UGT1A7: variants seen among roughly 807,000 people sequenced by gnomAD.
The protein encoded by UGT1A7 is UDP glucuronosyltransferase family 1 member A7, also known as UDP-glucuronosyltransferase 1A7.
Under a neutral mutation model 45.6 loss-of-function variants are expected in UGT1A7, and 33 were observed. The ratio of observed to expected loss-of-function variants is 0.72; its 90% CI spans 0.55 to 0.97. UGT1A7 has a LOEUF of 0.97. Among genes scored for constraint, UGT1A7 ranks in the 50% least tolerant of loss-of-function variants. The pLI is 0.00. For missense variants in UGT1A7, 684 were observed against 666.2 expected, an observed-to-expected ratio of 1.03 and a Z score of -0.29; for synonymous variants, 274 against 250.6, an observed-to-expected ratio of 1.09 and a Z score of -0.88.
At chr2:233,755,255 G>A (rs1695832666) in intron 1 of UGT1A7, 14 of 819,316 alleles carry the variant, frequency 1.7e-5, no homozygotes, top group South Asian at 1.2e-4. Flanking sequence ...CCAGCACCTC[G>A]TAGTAGTCCA....
chr2:233,772,314 G>T lies in UGT1A7; in HGVS notation c.1348G>T (p.Glu450Ter). The T allele has an allele frequency of 6.2e-7, 1 of 1,614,222 alleles. No individual in the cohort carries two copies. The highest frequency in any genetic ancestry group is 8.5e-7 in the Non-Finnish European group (1 of 1,180,048). ...LSSLHKDRPV[E>*]PLDLAVFWVE... is the part of the protein sequence containing the mutation. Reference sequence around the variant, plus strand: ...CAGCCTTCACAAGGACCGCCCGGTGGAGCCGCTGGACCTGGCCGTGTTCTG... The same window carrying T: ...CAGCCTTCACAAGGACCGCCCGGTGTAGCCGCTGGACCTGGCCGTGTTCTG... Residue 450 changes from glutamate (E) to a stop codon, truncating the protein, a stop_gained, in exon 5 of 5, where the codon GAG (glutamate) becomes TAG (stop). Transcript: ENST00000373426. LOFTEE classifies it high-confidence loss of function.
At chr2:233,682,865 A>C in intron 1 of UGT1A7, 73 bp downstream of exon 1, 1 of 1,527,428 alleles carries the variant, frequency 6.5e-7, no homozygotes, top group Non-Finnish European at 8.8e-7. Flanking sequence ...ACAGAATCAT[A>C]ATTTATCATT....
chr2:233,686,427 A>C (rs978923716), intron 1 of UGT1A7, among the ~76,000 whole-genome samples: 2 of 152,154 alleles, frequency 1.3e-5, no homozygotes, highest in African/African-American at 4.8e-5. Flanking sequence ...AAACACACGC[A>C]TGCTTGACAT....
chr2:233,718,933 G>C, intron 1 of UGT1A7: 1 of 1,614,132 alleles, frequency 6.2e-7, no homozygotes, highest in Non-Finnish European at 8.5e-7. Context: ...CCCACTGATG[G>C]CAGCCCCTGG....
At position 233,701,657 on chromosome 2, in the gene UGT1A7, G is replaced by A. The variant is rs1037742895; in HGVS notation, c.855+18865G>A. On this transcript the variant is annotated intron_variant, in intron 1 of 4. Coordinates refer to ENST00000373426, the MANE Select transcript of UGT1A7 (RefSeq NM_019077.3). ...ATAGCAAACTGTCTCTCAGACCACA[G>A]TGCAATCAAACTAGAACTCAGAATT... Among the ~76,000 whole-genome samples, 7 of 152,304 alleles carry A rather than the reference G, an allele frequency of 4.6e-5. No individual in the cohort carries two copies. The East Asian group carries it at 9.6e-4, about 21-fold the overall frequency.
chr2:233,760,984 C>T lies in UGT1A7; in HGVS notation c.856-6050C>T. 6.2e-7 allele frequency: 1 copy of T among 1,614,234 alleles called. No individual in the cohort carries two copies. The highest frequency in any genetic ancestry group is 8.5e-7 in the Non-Finnish European group (1 of 1,180,042). ...CGTGGTTTATTCCCCGTATGCAACC[C>T]TTGCCTCAGAATTCCTTCAGAGAGA... is the stretch of plus-strand genomic sequence containing the variant. On this transcript the variant is annotated intron_variant, in intron 1 of 4. Coordinates refer to ENST00000373426, the MANE Select transcript of UGT1A7 (RefSeq NM_019077.3).
chr2:233,718,656 C>T, intron 1 of UGT1A7: 1 of 1,519,542 alleles, frequency 6.6e-7, no homozygotes, highest in Non-Finnish European at 8.8e-7. Flanking sequence ...TAACGAAAGG[C>T]AGTTATAGAT....
chr2:233,728,584 C>T (rs553325629), intron 1 of UGT1A7, among the ~76,000 whole-genome samples: 5 of 152,182 alleles, frequency 3.3e-5, no homozygotes, highest in Non-Finnish European at 7.3e-5. Flanking sequence ...GAAAAACGAC[C>T]AAAACCACAT....
intron 1 of UGT1A7, 44 bp from the exon 2 acceptor site, chr2:233,766,990 G>T: frequency 1.2e-6 from 2 of 1,613,182 alleles, no homozygotes; most frequent in Non-Finnish European, 8.5e-7. Context: ...AGTCATCAAA[G>T]AATATGAGAA....
chr2:233,743,846 C>T lies in UGT1A7; in HGVS notation c.856-23188C>T, dbSNP rs779214397. On this transcript the variant is annotated intron_variant, in intron 1 of 4. Transcript: ENST00000373426. ...GGGGTGCCACTTGAGCGCCAGCTTG[C>T]GGTACGCCTTCTTGATGGCCTCGGA... 13 of 1,367,112 alleles carry T rather than the reference C, an allele frequency of 9.5e-6. No individual in the cohort carries two copies. The Admixed American group carries it at 1.1e-4, about 12-fold the overall frequency. The allele number at this position is 1,367,112 out of a possible 1,614,324, so 84.7% of individuals were successfully genotyped here.
chr2:233,693,288 G>C (rs763435448), intron 1 of UGT1A7: 20 of 1,614,002 alleles, frequency 1.2e-5, no homozygotes, highest in African/African-American at 2.7e-5. Flanking sequence ...CAATCATTTG[G>C]AAACAATCAC....
intron 1 of UGT1A7, chr2:233,713,618 A>G (rs768642808): frequency 1.2e-6 from 2 of 1,613,968 alleles, no homozygotes; most frequent in Admixed American, 1.7e-5. Flanking sequence ...CATTCCTGCA[A>G]AGGGTCAAGA....
At chr2:233,682,816 A>G (rs28969714) in intron 1 of UGT1A7, 24 bp downstream of exon 1, 1 of 1,580,878 alleles carries the variant, frequency 6.3e-7, no homozygotes, top group Non-Finnish European at 8.6e-7. Context: ...CCTTTAGCAC[A>G]TTAAGAATAA....
At chr2:233,710,185 T>A (rs2076116992) in intron 1 of UGT1A7, among the ~76,000 whole-genome samples, 1 of 152,234 alleles carries the variant, frequency 6.6e-6, no homozygotes, top group Admixed American at 6.5e-5. Flanking sequence ...GATGGACATG[T>A]GGATAGTTTC....
chr2:233,732,226 C>A (rs1208846132), intron 1 of UGT1A7, among the ~76,000 whole-genome samples: 1 of 152,142 alleles, frequency 6.6e-6, no homozygotes, highest in Non-Finnish European at 1.5e-5. Context: ...AAAATTTTCT[C>A]CCATTCTGTA....
chr2:233,756,969 C>G (rs1044581590), intron 1 of UGT1A7, among the ~76,000 whole-genome samples: 1 of 151,840 alleles, frequency 6.6e-6, no homozygotes, highest in East Asian at 1.9e-4. Flanking sequence ...TTGGTAAGCA[C>G]GCAATGAACA....
intron 1 of UGT1A7, among the ~76,000 whole-genome samples, chr2:233,696,870 C>T (rs899291677): frequency 5.3e-5 from 8 of 152,160 alleles, no homozygotes; most frequent in Non-Finnish European, 8.8e-5. Context: ...TTTTCAGCAT[C>T]TACAACATAT....
intron 1 of UGT1A7, chr2:233,712,898 A>G: frequency 6.2e-7 from 1 of 1,608,042 alleles, no homozygotes; most frequent in East Asian, 2.2e-5. Context: ...TTGATTTGCT[A>G]GGTGTCTCAG....
intron 1 of UGT1A7, chr2:233,747,663 A>G (rs1693743118): frequency 1.9e-6 from 3 of 1,600,614 alleles, no homozygotes; most frequent in Admixed American, 1.7e-5. Flanking sequence ...TGTGGTTTTA[A>G]TAGACCCAAT....
Sources: allele counts gnomAD v4.1 joint callset (sites outside exome capture counted in the v4.1 genomes callset), GRCh38; gene constraint gnomAD v4.1.1; transcripts MANE v1.5; gene names NCBI Gene and HGNC (gene_info 2026-07-23, HGNC 2026-07-21).